NRG3: variants seen among roughly 807,000 people sequenced by gnomAD.
The protein encoded by NRG3 is pro-neuregulin-3, membrane-bound isoform.
NRG3 carries 31 observed loss-of-function variants against 66.9 expected under a neutral mutation model. That is an observed-to-expected ratio of 0.46 (90% confidence interval 0.35 to 0.63). The LOEUF (loss-of-function observed/expected upper bound fraction) is 0.63. Among genes scored for constraint, NRG3 ranks in the 20% least tolerant of loss-of-function variants. The probability of loss-of-function intolerance (pLI) is 0.00; values close to 1 mark genes in which losing one functional copy is unlikely to be tolerated. For missense variants in NRG3, 910 were observed against 878.9 expected (o/e 1.04, Z -0.45); for synonymous variants, 393 against 359.4 (o/e 1.09, Z -1.06).
At chr10:82,849,252 G>A (rs1177918050) in intron 3 of NRG3, among the ~76,000 whole-genome samples, 3 of 152,150 alleles carry the variant, frequency 2.0e-5, no homozygotes, top group Non-Finnish European at 4.4e-5. Flanking sequence ...GATTGCCAGT[G>A]AACCATCAGA....
chr10:82,953,698 G>A (rs920290003), intron 5 of NRG3, among the ~76,000 whole-genome samples: 1 of 151,834 alleles, frequency 6.6e-6, no homozygotes, highest in African/African-American at 2.4e-5. Flanking sequence ...ATGGCCAGAC[G>A]CGGTGACTCA....
At position 82,814,020 on chromosome 10, in the gene NRG3, G is replaced by T. The variant is rs181163776; in HGVS notation, c.1028-51391G>T. Among the ~76,000 whole-genome samples, 5 of 152,286 alleles carry T rather than the reference G, an allele frequency of 3.3e-5. No homozygotes were observed. In the East Asian group the frequency reaches 5.8e-4, roughly 18 times the overall value. ...ACTCGTACTCTGTGCAGGTGGCACG[G>T]TTCACTCCCAGGAATGCTCTTCTTT... On this transcript the variant is annotated intron_variant, in intron 3 of 8. Transcript: ENST00000372141.
At position 82,255,164 on chromosome 10, in the gene NRG3, A is replaced by G. The variant is rs1362912741; in HGVS notation, c.824-103575A>G. On this transcript the variant is annotated intron_variant, in intron 1 of 8. Transcript: ENST00000372141. ...TGTAGTCTTCCTTCCTGGAACCCAT[A>G]AACCCAATCTAATTGTGAGAAAAAC... Among the ~76,000 whole-genome samples, 3 of 152,194 alleles carry G rather than the reference A, an allele frequency of 2.0e-5. No homozygotes were observed. The East Asian group carries it at 5.8e-4, about 29-fold the overall frequency.
intron 1 of NRG3, among the ~76,000 whole-genome samples, chr10:81,951,999 A>G (rs909006357): frequency 6.6e-6 from 1 of 151,878 alleles, no homozygotes; most frequent in South Asian, 2.1e-4. Flanking sequence ...GGAAACCATC[A>G]TTCTCAGCAA....
chr10:82,282,994 C>T (rs2079210828), intron 1 of NRG3, among the ~76,000 whole-genome samples: 1 of 152,056 alleles, frequency 6.6e-6, no homozygotes, highest in Non-Finnish European at 1.5e-5. Flanking sequence ...TCTTTGGTTT[C>T]CAAACGTTCA....
Position 82,413,916 on chromosome 10 carries a change from C to T in NRG3, c.953+55048C>T, listed in dbSNP as rs969146682. On this transcript the variant is annotated intron_variant, in intron 2 of 8. Transcript: ENST00000372141. Reference sequence around the variant, plus strand: ...AGTTAAGGCTTTCTTGTGGATAAAGCTTTGGTTTAGGGTAATGTTGTGGCT... The same window carrying T: ...AGTTAAGGCTTTCTTGTGGATAAAGTTTTGGTTTAGGGTAATGTTGTGGCT... Among the ~76,000 whole-genome samples, 8 of 152,256 alleles carry T rather than the reference C, an allele frequency of 5.3e-5. No homozygotes were observed. The South Asian group carries it at 1.5e-3, about 28-fold the overall frequency.
intron 3 of NRG3, among the ~76,000 whole-genome samples, chr10:82,769,886 C>T (rs1352170000): frequency 6.6e-6 from 1 of 152,070 alleles, no homozygotes; most frequent in Non-Finnish European, 1.5e-5. Context: ...CATTGATGAA[C>T]AAGTTGCTTT....
intron 1 of NRG3, among the ~76,000 whole-genome samples, chr10:82,278,225 G>A (rs1282244557): frequency 1.3e-5 from 2 of 151,690 alleles, no homozygotes; most frequent in Non-Finnish European, 2.9e-5. Context: ...TTTTTAAAGC[G>A]TTCTTGGTTT....
At chr10:81,977,990 T>C (rs2060189341) in intron 1 of NRG3, among the ~76,000 whole-genome samples, 1 of 152,214 alleles carries the variant, frequency 6.6e-6, no homozygotes, top group Non-Finnish European at 1.5e-5. Context: ...GGGCAATTAG[T>C]ATTTTCGTCA....
At chr10:82,775,057 C>T (rs556060413) in intron 3 of NRG3, among the ~76,000 whole-genome samples, 1 of 151,826 alleles carries the variant, frequency 6.6e-6, no homozygotes, top group East Asian at 1.9e-4. Flanking sequence ...GAACTCCTGA[C>T]CTCAAGTGAT....
intron 1 of NRG3, among the ~76,000 whole-genome samples, chr10:82,069,314 A>G (rs113017576): frequency 6.6e-6 from 1 of 152,144 alleles, no homozygotes; most frequent in African/African-American, 2.4e-5. Flanking sequence ...AAAAGAGGCA[A>G]AGCGTGACAC....
At chr10:81,925,732 A>G (rs559413337) in intron 1 of NRG3, among the ~76,000 whole-genome samples, 1 of 123,618 alleles carries the variant, frequency 8.1e-6, no homozygotes, top group East Asian at 3.3e-4. Context: ...TTATTTTCTG[A>G]AAAAACTTTT....
chr10:82,140,975 G>A (rs908457676), intron 1 of NRG3, among the ~76,000 whole-genome samples: 11 of 151,934 alleles, frequency 7.2e-5, no homozygotes, highest in Non-Finnish European at 1.2e-4. Context: ...TCATATATAT[G>A]TATATATGCA....
chr10:82,437,997 G>A (rs1228698187), intron 2 of NRG3, among the ~76,000 whole-genome samples: 2 of 152,170 alleles, frequency 1.3e-5, no homozygotes, highest in South Asian at 2.1e-4. Flanking sequence ...TAGGGTGTCC[G>A]ACAAACCCTG....
chr10:82,268,405 A>G (rs1484081603), intron 1 of NRG3, among the ~76,000 whole-genome samples: 1 of 152,120 alleles, frequency 6.6e-6, no homozygotes, highest in Admixed American at 6.6e-5. Context: ...CATCAAAAAC[A>G]GTTTTTCTTG....
intron 6 of NRG3, among the ~76,000 whole-genome samples, chr10:82,962,882 G>A (rs1357579034): frequency 1.3e-5 from 2 of 151,906 alleles, no homozygotes; most frequent in African/African-American, 2.4e-5. Context: ...AGAATTTAGT[G>A]CCTAACAGAG....
At chr10:82,828,627 A>G (rs2062363910) in intron 3 of NRG3, among the ~76,000 whole-genome samples, 1 of 152,224 alleles carries the variant, frequency 6.6e-6, no homozygotes, top group Non-Finnish European at 1.5e-5. Flanking sequence ...TTTAAGTTAT[A>G]GACATTTGTT....
At chr10:82,397,443 G>A (rs1051729672) in intron 2 of NRG3, among the ~76,000 whole-genome samples, 1 of 152,186 alleles carries the variant, frequency 6.6e-6, no homozygotes, top group Non-Finnish European at 1.5e-5. Flanking sequence ...TGAGAACATG[G>A]TTTGTCTAAG....
At chr10:81,883,653 G>T (rs115860338) in intron 1 of NRG3, among the ~76,000 whole-genome samples, 1 of 152,164 alleles carries the variant, frequency 6.6e-6, no homozygotes, top group Non-Finnish European at 1.5e-5. Context: ...TATGGGAATA[G>T]AATTTTTATG....
Sources: gnomAD v4.1 joint callset for allele counts (sites outside exome capture counted in the v4.1 genomes callset) on GRCh38, gnomAD v4.1.1 for gene constraint, MANE v1.5 for transcripts, NCBI Gene and HGNC (gene_info 2026-07-23, HGNC 2026-07-21) for gene names.